Variants in CCAR1 observed in about 807,000 individuals in gnomAD.
CCAR1 encodes the protein cell division cycle and apoptosis regulator 1.
Under a neutral mutation model 163.8 loss-of-function variants are expected in CCAR1, and 78 were observed. The observed-to-expected ratio is 0.48, with a 90% CI of 0.40 to 0.57. The LOEUF (loss-of-function observed/expected upper bound fraction) is 0.57, where lower values mean the gene tolerates loss of function less well. Ranked by LOEUF, CCAR1 falls within the 20% of genes least tolerant of loss-of-function variation. The pLI, the probability that CCAR1 is intolerant of heterozygous loss-of-function variation, is 0.00. For synonymous variants in CCAR1, 443 were observed against 460.7 expected (o/e 0.96, Z 0.49); for missense variants, 1,019 against 1,365.2 (o/e 0.75, Z 4.00).
At chr10:68,760,331 A>T in intron 15 of CCAR1, among the ~76,000 whole-genome samples, 1 of 151,072 alleles carries the variant, frequency 6.6e-6, no homozygotes, top group South Asian at 2.1e-4. Context: ...AGACATTTAG[A>T]CTCTTCCCTT....
At position 68,771,193 on chromosome 10, in the gene CCAR1, TA is replaced by T. The variant is rs1197566580; in HGVS notation, c.2299-12del. The T allele has an allele frequency of 6.4e-7, 1 of 1,571,516 alleles. No individual in the cohort carries two copies. The highest frequency in any genetic ancestry group is 2.1e-5 in the Admixed American group (1 of 48,440). On this transcript the variant is annotated splice_polypyrimidine_tract_variant and intron_variant, in intron 17 of 24. Transcript: ENST00000265872. ...TGAAATTTGGCTAGGTTCATGTTGA[TA>T]TCTTTTTATAGGTTTCATTGTTTGC...
In CCAR1 at chr10:68,791,204, T is replaced by G. The variant is rs374900889; in HGVS notation, c.3394-3T>G. 3 of 1,549,890 alleles carry G rather than the reference T, an allele frequency of 1.9e-6. No individual in the cohort carries two copies. The highest frequency in any genetic ancestry group is 1.4e-5 in the African/African-American group (1 of 73,336). Reference sequence around the variant, plus strand: ...TATTTTTTCCTTCTCTATTGTCTTATAGGATAATGTAAAGAATGAAGACAA... The same window carrying G: ...TATTTTTTCCTTCTCTATTGTCTTAGAGGATAATGTAAAGAATGAAGACAA... On this transcript the variant is annotated splice_polypyrimidine_tract_variant and splice_region_variant and intron_variant, in intron 24 of 24. Coordinates refer to ENST00000265872, the MANE Select transcript of CCAR1 (RefSeq NM_018237.4).
At chr10:68,772,093 A>G (rs2056611176) in intron 18 of CCAR1, among the ~76,000 whole-genome samples, 1 of 151,986 alleles carries the variant, frequency 6.6e-6, no homozygotes, top group Admixed American at 6.6e-5. Context: ...CATGTTGGCC[A>G]GGCTTGAACT....
intron 21 of CCAR1, 124 bp from the exon 22 acceptor site, chr10:68,787,800 ACTC>A (rs1589196137): frequency 1.2e-6 from 1 of 800,858 alleles, no homozygotes; most frequent in East Asian, 2.8e-5. Context: ...ACACCACTGC[ACTC>A]CAGTTTGGGC....
In CCAR1 at chr10:68,757,362, T is replaced by C; in HGVS notation, c.1905T>C (p.Asp635=). The change falls in exon 15 of 25, where the codon GAT becomes GAC. Residue 635 remains aspartate, a synonymous_variant. Transcript: ENST00000265872. ...ISTPTHWSKL[D]PKTMKVNDLR... ...CACCTACCCATTGGTCTAAACTTGA[T>C]CCAAAGACAATGAAGGTAACTTTGA... 1 of 1,563,078 alleles carries C rather than the reference T, an allele frequency of 6.4e-7. No individual in the cohort carries two copies. The highest frequency in any genetic ancestry group is 8.8e-7 in the Non-Finnish European group (1 of 1,136,224).
At chr10:68,753,369 AATTTT>A (rs2056359030) in intron 10 of CCAR1, among the ~76,000 whole-genome samples, 1 of 152,184 alleles carries the variant, frequency 6.6e-6, no homozygotes, top group South Asian at 2.1e-4. Context: ...TTTTGTATTT[AATTTT>A]GAATGTAAGT....
Position 68,756,543 on chromosome 10 carries a change from C to CA in CCAR1, c.1836+63dup, listed in dbSNP as rs762996603. 7.9e-7 allele frequency: 1 copy of CA among 1,262,518 alleles called. No homozygotes were observed. Among genetic ancestry groups the CA allele is most frequent in the Non-Finnish European group, 1.1e-6 (1 of 883,388 alleles). 78.2% of individuals were successfully genotyped at this position (1,262,518 alleles called of 1,614,324 possible). A position where few individuals can be genotyped will look rare whatever the true frequency, so the allele number is the denominator to read the frequency against. ...TCTCACAGGCACAGGAACACAGGCA[C>CA]AAATGCACACCACACACTACATAAT... On this transcript the variant is annotated intron_variant, in intron 14 of 24. Coordinates refer to ENST00000265872, the MANE Select transcript of CCAR1 (RefSeq NM_018237.4). This position sits in a 1 kb window ranked among gnomAD's most constrained non-coding sequence, Gnocchi z 5.1.
chr10:68,746,268 G>A (rs972388485), intron 6 of CCAR1, among the ~76,000 whole-genome samples: 1 of 143,272 alleles, frequency 7.0e-6, no homozygotes, highest in Non-Finnish European at 1.5e-5. Context: ...ACCGCGCCCA[G>A]CCTCTTTTTT....
chr10:68,775,849 A>C (rs1474016548), intron 19 of CCAR1, among the ~76,000 whole-genome samples: 2 of 152,010 alleles, frequency 1.3e-5, no homozygotes, highest in East Asian at 3.9e-4. Context: ...GGCATGTGGC[A>C]CCACACCTTG....
At chr10:68,763,245 G>A (rs1444095937) in intron 16 of CCAR1, among the ~76,000 whole-genome samples, 6 of 152,030 alleles carry the variant, frequency 3.9e-5, no homozygotes, top group Non-Finnish European at 7.4e-5. Flanking sequence ...CTGCCTCCTG[G>A]GTTCAAGCTA....
intron 15 of CCAR1, among the ~76,000 whole-genome samples, chr10:68,760,085 G>A (rs780210736): frequency 6.6e-6 from 1 of 152,038 alleles, no homozygotes; most frequent in Non-Finnish European, 1.5e-5. Context: ...TTCCACCTTG[G>A]ACTCCAAAGG....
At chr10:68,787,377 A>G (rs947690142) in intron 21 of CCAR1, among the ~76,000 whole-genome samples, 3 of 151,804 alleles carry the variant, frequency 2.0e-5, no homozygotes, top group Admixed American at 6.6e-5. Context: ...TAATTTACCT[A>G]CCTAGTCTCC....
chr10:68,764,367 A>G (rs1481980615), intron 16 of CCAR1, among the ~76,000 whole-genome samples: 2 of 150,366 alleles, frequency 1.3e-5, no homozygotes, highest in African/African-American at 5.0e-5. Context: ...CAACTTCGTG[A>G]GACCCCATCT....
In CCAR1 at chr10:68,749,648, C is replaced by T. The variant is rs752858433; in HGVS notation, c.1081C>T (p.Arg361Cys). The T allele has an allele frequency of 2.5e-6, 4 of 1,613,128 alleles. No homozygotes were observed. The highest frequency in any genetic ancestry group is 3.3e-5 in the Admixed American group (2 of 59,924). Residue 361 changes from arginine to cysteine, a missense_variant, in exon 10 of 25, where the codon CGT (arginine) becomes TGT (cysteine). By Grantham distance (180) the Arg-to-Cys change is radical. Coordinates refer to ENST00000265872, the MANE Select transcript of CCAR1 (RefSeq NM_018237.4). Reference protein sequence around the residue: ...SPRRVRRVVPRYTVQFSKFSL... With the variant: ...SPRRVRRVVPCYTVQFSKFSL... ...TCGGAGAGTTCGACGTGTTGTTCCA[C>T]GTTACACAGTTCAGTTTTCAAAGTT...
chr10:68,728,013 A>G (rs1296051634), intron 2 of CCAR1, among the ~76,000 whole-genome samples: 3 of 151,924 alleles, frequency 2.0e-5, no homozygotes, highest in African/African-American at 4.8e-5. Context: ...ATTTTTGTAT[A>G]TTTAGTAGAG....
chr10:68,787,826 ACT>A (rs1267794155), intron 21 of CCAR1, 99 bp from the exon 22 acceptor site: 2 of 1,170,214 alleles, frequency 1.7e-6, no homozygotes, highest in Non-Finnish European at 2.4e-6. Context: ...CAAGAGCAAG[ACT>A]CTTTCTCAAA....
intron 9 of CCAR1, 90 bp from the exon 10 acceptor site, chr10:68,749,434 C>A: frequency 7.9e-7 from 1 of 1,266,974 alleles, no homozygotes; most frequent in Non-Finnish European, 1.1e-6. Flanking sequence ...ACTGTGGATT[C>A]TTGCTTATAT....
chr10:68,722,863 A>C (rs554805359), intron 2 of CCAR1, among the ~76,000 whole-genome samples: 62 of 152,138 alleles, frequency 4.1e-4, no homozygotes, highest in Admixed American at 4.0e-3. Context: ...TGGAGGTTGC[A>C]GTTAGCTGAG....
rs5785871 is a variant in CCAR1, at chr10:68,779,261, C to CT, written c.2650+6176dup. 4.9e-5 allele frequency among the ~76,000 whole-genome samples: 7 copies of CT among 143,854 alleles called. No individual in the cohort carries two copies. The East Asian group carries it at 8.1e-4, about 17-fold the overall frequency. 94.4% of individuals were successfully genotyped at this position (143,854 alleles called of 152,430 possible). A position where few individuals can be genotyped will look rare whatever the true frequency, so the allele number is the denominator to read the frequency against. On this transcript the variant is annotated intron_variant, in intron 19 of 24. Transcript: ENST00000265872. ...TAGGAGAGCAGATAACAATAAGATA[C>CT]TTTTTTTTTTTTTTGAGACAGAGTT... is the stretch of plus-strand genomic sequence containing the variant.
Sources: gnomAD v4.1 joint callset for allele counts (sites outside exome capture counted in the v4.1 genomes callset) on GRCh38, gnomAD v4.1.1 for gene constraint, Gnocchi (gnomAD v3.1) non-coding constraint, MANE v1.5 for transcripts, NCBI Gene and HGNC (gene_info 2026-07-23, HGNC 2026-07-21) for gene names.